FAM200B: variants seen among roughly 807,000 people sequenced by gnomAD.
FAM200B encodes the protein zinc finger BED-type containing 11.
Under a neutral mutation model 33.1 loss-of-function variants are expected in FAM200B, and 32 were observed. The observed-to-expected ratio is 0.97, with a 90% CI of 0.73 to 1.30. The LOEUF (loss-of-function observed/expected upper bound fraction) is 1.30, where lower values mean the gene tolerates loss of function less well. Ranked by LOEUF, FAM200B falls within the 50% of genes most tolerant of loss-of-function variation. The probability of loss-of-function intolerance (pLI) is 0.00; values close to 1 mark genes in which losing one functional copy is unlikely to be tolerated. For synonymous variants in FAM200B, 240 were observed against 264.8 expected (o/e 0.91, Z 0.91); for missense variants, 741 against 754.0 (o/e 0.98, Z 0.20).
At chr4:15,672,242 T>A in the FAM200B span, among the ~76,000 whole-genome samples, 1 of 152,236 alleles carries the variant, frequency 6.6e-6, no homozygotes, top group Non-Finnish European at 1.5e-5. Flanking sequence ...CTCTACCCAA[T>A]GCTCCGTGAA....
chr4:15,667,576 A>T, the FAM200B span, among the ~76,000 whole-genome samples: 1 of 152,104 alleles, frequency 6.6e-6, no homozygotes, highest in African/African-American at 2.4e-5. Flanking sequence ...GAAACAGGAG[A>T]TCTTTTTAAT....
the FAM200B span, among the ~76,000 whole-genome samples, chr4:15,637,241 C>T: frequency 6.6e-6 from 1 of 152,182 alleles, no homozygotes; most frequent in Non-Finnish European, 1.5e-5. Context: ...ATTTATGTTG[C>T]AGGTGAGACG....
chr4:15,671,715 G>A, the FAM200B span, among the ~76,000 whole-genome samples: 21 of 152,060 alleles, frequency 1.4e-4, no homozygotes, highest in African/African-American at 4.8e-4. Flanking sequence ...ACACACTAGG[G>A]TGCTTAAACT....
At chr4:15,641,570 A>G in the FAM200B span, 1 of 456,646 alleles carries the variant, frequency 2.2e-6, no homozygotes, top group African/African-American at 1.9e-5. Flanking sequence ...AATACATGAA[A>G]TAATTGTTAT....
chr4:15,683,397 T>C (rs981017078), intron 1 of FAM200B, among the ~76,000 whole-genome samples: 1 of 152,142 alleles, frequency 6.6e-6, no homozygotes, highest in African/African-American at 2.4e-5. Flanking sequence ...AACTGTCTGA[T>C]TTAGGAGGGA....
At chr4:15,639,113 G>A in the FAM200B span, among the ~76,000 whole-genome samples, 1 of 152,214 alleles carries the variant, frequency 6.6e-6, no homozygotes, top group East Asian at 1.9e-4. Flanking sequence ...GCGGCGAGCC[G>A]ATATTGCGCC....
chr4:15,657,003 C>G, the FAM200B span, among the ~76,000 whole-genome samples: 1 of 149,962 alleles, frequency 6.7e-6, no homozygotes, highest in South Asian at 2.1e-4. Context: ...CACAGTCTGT[C>G]TTAAGAAGCA....
chr4:15,655,297 C>T, the FAM200B span: 1 of 1,407,902 alleles, frequency 7.1e-7, no homozygotes, highest in Non-Finnish European at 9.4e-7. Flanking sequence ...TCGCCACTGC[C>T]TCAGCCTCCG....
Position 15,687,129 on chromosome 4 carries a change from C to T in FAM200B, c.152C>T (p.Pro51Leu). ...SNLQTSTSFE[P>L]HFKKKKVSAR... ...CTGCAAACTTCAACTTCATTTGAGC[C>T]ACATTTCAAAAAGAAAAAAGTAAGT... The change falls in exon 2 of 2, where the codon CCA becomes CTA. Residue 51 changes from proline to leucine, a missense_variant. By Grantham distance (98) the Pro-to-Leu change is moderately conservative. Coordinates refer to ENST00000422728, the MANE Select transcript of FAM200B (RefSeq NM_001145191.2). 1 of 1,547,822 alleles carries T rather than the reference C, an allele frequency of 6.5e-7. No homozygotes were observed. Among genetic ancestry groups the T allele is most frequent in the Non-Finnish European group, 8.7e-7 (1 of 1,145,666 alleles).
rs778882831 is a variant in FAM200B, at chr4:15,688,913, T to A, written c.1936T>A (p.Trp646Arg). Residue 646 changes from tryptophan to arginine, a missense_variant, in exon 2 of 2, where the codon TGG becomes AGG. Coordinates refer to ENST00000422728, the MANE Select transcript of FAM200B (RefSeq NM_001145191.2). ...AGCATTATCTTCCTGTGTTCCAGAC[T>A]GGAATGAACTTATGAACAGGCAAGC... ...RVALSSCVPD[W>R]NELMNRQAHP... 21 of 1,534,316 alleles carry A rather than the reference T, an allele frequency of 1.4e-5. No homozygotes were observed. In the South Asian group the frequency reaches 2.3e-4, roughly 17 times the overall value.
the FAM200B span, among the ~76,000 whole-genome samples, chr4:15,671,771 T>G: frequency 5.7e-3 from 862 of 152,296 alleles, 7 homozygotes; most frequent in African/African-American, 0.02. Flanking sequence ...TGACTTTGAT[T>G]AGTTTCTATT....
the FAM200B span, among the ~76,000 whole-genome samples, chr4:15,661,669 T>A: frequency 6.6e-6 from 1 of 152,240 alleles, no homozygotes. Flanking sequence ...AGTTATCTGT[T>A]GTTGCTTAAG....
the FAM200B span, among the ~76,000 whole-genome samples, chr4:15,654,273 G>C: frequency 2.0e-5 from 3 of 152,200 alleles, no homozygotes; most frequent in Non-Finnish European, 4.4e-5. Context: ...ATTTCCACAA[G>C]AAACGGGACT....
chr4:15,688,165 CA>C lies in FAM200B; in HGVS notation c.1189del (p.Arg397GlyfsTer30). On this transcript the variant is annotated frameshift_variant, in exon 2 of 2. Coordinates refer to ENST00000422728, the MANE Select transcript of FAM200B (RefSeq NM_001145191.2). LOFTEE classifies it high-confidence loss of function. ...GGTTGTCTCAAGGGAAAATACTAAG[CA>C]GGGTTTATGAGCTCAGGAATGAGAT... ...RWLSQGKILS[R>X]VYELRNEIHF... is the part of the protein sequence containing the mutation. 6.4e-7 allele frequency: 1 copy of C among 1,551,028 alleles called. No homozygotes were observed. Among genetic ancestry groups the C allele is most frequent in the Non-Finnish European group, 8.7e-7 (1 of 1,146,618 alleles).
At chr4:15,655,324 C>G in the FAM200B span, 2 of 1,353,316 alleles carry the variant, frequency 1.5e-6, no homozygotes, top group African/African-American at 1.5e-5. Context: ...CAGCCGCGGC[C>G]GCCGCCTCTC....
At chr4:15,654,301 ATCCATGACT>A in the FAM200B span, among the ~76,000 whole-genome samples, 2 of 152,250 alleles carry the variant, frequency 1.3e-5, no homozygotes, top group Non-Finnish European at 2.9e-5. Flanking sequence ...GTTTGCAGAT[ATCCATGACT>A]TTCCCCAACA....
chr4:15,645,783 G>C, the FAM200B span, among the ~76,000 whole-genome samples: 3 of 152,112 alleles, frequency 2.0e-5, no homozygotes, highest in Non-Finnish European at 4.4e-5. Flanking sequence ...TAAAACATCT[G>C]TATTTCACAT....
the FAM200B span, chr4:15,644,853 A>C: frequency 3.2e-6 from 2 of 630,372 alleles, no homozygotes; most frequent in Non-Finnish European, 5.4e-6. Context: ...AAATTCATAA[A>C]TTAACAAGTT....
the FAM200B span, among the ~76,000 whole-genome samples, chr4:15,652,969 TCTTCCTTTAATTC>T: frequency 1.3e-4 from 20 of 152,340 alleles, no homozygotes; most frequent in African/African-American, 4.8e-4. Flanking sequence ...AACAAGGTAC[TCTTCCTTTAATTC>T]CTTTAAGATT....
Sources: gnomAD v4.1 joint callset for allele counts (sites outside exome capture counted in the v4.1 genomes callset) on GRCh38, gnomAD v4.1.1 for gene constraint, MANE v1.5 for transcripts, NCBI Gene and HGNC (gene_info 2026-07-23, HGNC 2026-07-21) for gene names.